Variants in SLC1A2 observed in about 807,000 individuals in gnomAD.
The protein encoded by SLC1A2 is solute carrier family 1 member 2.
In SLC1A2, 15 loss-of-function variants were observed where a neutral mutation model predicts 48.8. The observed-to-expected ratio is 0.31, with a 90% confidence interval of 0.21 to 0.47. SLC1A2 has a LOEUF of 0.47. SLC1A2 is among the 20% of genes least tolerant of loss of function. The pLI, the probability that SLC1A2 is intolerant of heterozygous loss-of-function variation, is 0.99. For missense variants in SLC1A2, 502 were observed against 730.5 expected (o/e 0.69, Z 3.61); for synonymous variants, 279 against 272.6 (o/e 1.02, Z -0.23).
intron 1 of SLC1A2, among the ~76,000 whole-genome samples, chr11:35,405,609 A>C (rs1200764334): frequency 6.6e-6 from 1 of 152,210 alleles, no homozygotes; most frequent in Non-Finnish European, 1.5e-5. Context: ...ATGGGCTCAA[A>C]GATTCTTTTC....
chr11:35,411,994 G>T (rs1262852621), intron 1 of SLC1A2, among the ~76,000 whole-genome samples: 5 of 150,796 alleles, frequency 3.3e-5, no homozygotes, highest in Admixed American at 6.6e-5. Flanking sequence ...AGAGACACTA[G>T]GTTATCTTGC....
At chr11:35,415,693 G>C (rs1855583257) in intron 1 of SLC1A2, among the ~76,000 whole-genome samples, 1 of 152,326 alleles carries the variant, frequency 6.6e-6, no homozygotes, top group South Asian at 2.1e-4. Context: ...TCCACTGTCA[G>C]CAGTTTTCTG....
At chr11:35,386,228 C>G (rs956860138) in intron 1 of SLC1A2, among the ~76,000 whole-genome samples, 1 of 152,002 alleles carries the variant, frequency 6.6e-6, no homozygotes, top group Non-Finnish European at 1.5e-5. Context: ...TTTCTCTGAA[C>G]CTTAACCATG....
intron 1 of SLC1A2, among the ~76,000 whole-genome samples, chr11:35,347,332 T>C (rs1330947318): frequency 2.0e-5 from 3 of 152,206 alleles, no homozygotes; most frequent in African/African-American, 7.2e-5. Flanking sequence ...TGGACAGACA[T>C]GGTAATTCAA....
At chr11:35,394,510 C>T (rs1398651339) in intron 1 of SLC1A2, among the ~76,000 whole-genome samples, 1 of 152,192 alleles carries the variant, frequency 6.6e-6, no homozygotes, top group Non-Finnish European at 1.5e-5. Context: ...AGAGCATGAA[C>T]TTTGGCCTTT....
chr11:35,297,821 G>T (rs140215966), intron 6 of SLC1A2: 16 of 152,168 alleles, frequency 1.1e-4, no homozygotes, highest in African/African-American at 3.9e-4. Flanking sequence ...ACTAATCCAT[G>T]TAAAGTGCTT....
At chr11:35,351,212 C>T (rs752375651) in intron 1 of SLC1A2, among the ~76,000 whole-genome samples, 8 of 152,246 alleles carry the variant, frequency 5.3e-5, no homozygotes. Flanking sequence ...CATGATCAGG[C>T]AACTGATTAG....
intron 1 of SLC1A2, among the ~76,000 whole-genome samples, chr11:35,390,475 G>A (rs143026373): frequency 2.6e-5 from 4 of 152,094 alleles, no homozygotes; most frequent in African/African-American, 7.2e-5. Flanking sequence ...CAATATTGAG[G>A]TTACGTTTTA....
rs1329810442 is a variant in SLC1A2 at position 35,259,205 on chromosome 11, G to A, written c.*1689C>T. ...ATTTAAAAGAGAGAAGTCACAAGGA[G>A]CAGATAAGAAAGGCTATTTGAGGTC... On this transcript the variant is annotated 3_prime_UTR_variant, in exon 11 of 11. Coordinates refer to ENST00000278379, the MANE Select transcript of SLC1A2 (RefSeq NM_004171.4). The A allele has an allele frequency of 6.6e-6, 1 of 152,578 alleles. No individual in the cohort carries two copies. The highest frequency in any genetic ancestry group is 1.5e-5 in the Non-Finnish European group (1 of 68,048). 9.5% of individuals were successfully genotyped at this position (152,578 alleles called of 1,614,324 possible).
intron 1 of SLC1A2, among the ~76,000 whole-genome samples, chr11:35,353,493 C>G (rs971976799): frequency 2.6e-5 from 4 of 152,194 alleles, no homozygotes; most frequent in African/African-American, 9.7e-5. Flanking sequence ...TTCTTGAGAA[C>G]AGAATTGGAA....
chr11:35,295,090 C>T (rs1357269965), intron 6 of SLC1A2, among the ~76,000 whole-genome samples: 2 of 151,906 alleles, frequency 1.3e-5, no homozygotes, highest in East Asian at 3.9e-4. Flanking sequence ...CTCTGTTAGC[C>T]AGGCTGGAGC....
chr11:35,398,248 A>G (rs977213700), intron 1 of SLC1A2, among the ~76,000 whole-genome samples: 4 of 152,204 alleles, frequency 2.6e-5, no homozygotes, highest in African/African-American at 9.7e-5. Flanking sequence ...ATGATCTGAC[A>G]TGGAATTGAC....
At chr11:35,401,967 C>A (rs982976090) in intron 1 of SLC1A2, among the ~76,000 whole-genome samples, 2 of 151,926 alleles carry the variant, frequency 1.3e-5, no homozygotes, top group Non-Finnish European at 2.9e-5. Context: ...GTGCCCCCAC[C>A]CAACATCACC....
intron 1 of SLC1A2, among the ~76,000 whole-genome samples, chr11:35,369,960 T>G (rs1405072606): frequency 6.6e-6 from 1 of 152,170 alleles, no homozygotes; most frequent in East Asian, 1.9e-4. Context: ...TAAGGTAAAG[T>G]AAAACTTACC....
intron 3 of SLC1A2, among the ~76,000 whole-genome samples, chr11:35,312,970 T>C (rs563387330): frequency 4.5e-4 from 68 of 152,224 alleles, no homozygotes; most frequent in Non-Finnish European, 8.8e-4. Context: ...GATCCTCCTG[T>C]TTAGAGTTTA....
At chr11:35,270,403 T>C (rs1460436600) in intron 9 of SLC1A2, among the ~76,000 whole-genome samples, 4 of 152,226 alleles carry the variant, frequency 2.6e-5, no homozygotes, top group Non-Finnish European at 4.4e-5. Context: ...GTTCCTTTTC[T>C]TACACCTGTT....
intron 4 of SLC1A2, 86 bp downstream of exon 4, chr11:35,312,112 A>T (rs144553911): frequency 1.5e-6 from 2 of 1,348,420 alleles, no homozygotes; most frequent in Non-Finnish European, 2.1e-6. Context: ...ATTTCTACCC[A>T]GAGTTGGTCT....
At chr11:35,347,215 AAG>A (rs1240841608) in intron 1 of SLC1A2, among the ~76,000 whole-genome samples, 1 of 152,196 alleles carries the variant, frequency 6.6e-6, no homozygotes, top group African/African-American at 2.4e-5. Context: ...GTCAGACAGA[AAG>A]GAGCCATGAG....
chr11:35,263,608 T>C (rs1052290687), intron 10 of SLC1A2, among the ~76,000 whole-genome samples: 1 of 152,196 alleles, frequency 6.6e-6, no homozygotes, highest in Non-Finnish European at 1.5e-5. Flanking sequence ...TTAAGAGGCC[T>C]CTTGAGAAAT....
Sources: gnomAD v4.1 joint callset for allele counts (sites outside exome capture counted in the v4.1 genomes callset) on GRCh38, gnomAD v4.1.1 for gene constraint, MANE v1.5 for transcripts, NCBI Gene and HGNC (gene_info 2026-07-23, HGNC 2026-07-21) for gene names.